ADAMTS6: variants seen among roughly 807,000 people sequenced by gnomAD.
The protein encoded by ADAMTS6 is ADAM metallopeptidase with thrombospondin type 1 motif 6.
In ADAMTS6, 23 loss-of-function variants were observed where a neutral mutation model predicts 144.3. That is an observed-to-expected ratio of 0.16 (90% CI 0.11 to 0.23). The LOEUF is 0.23. ADAMTS6 is among the 10% of genes least tolerant of loss of function. ADAMTS6 has a pLI of 1.00. For missense variants in ADAMTS6, 999 were observed against 1,379.6 expected, an observed-to-expected ratio of 0.72 and a Z score of 4.37; for synonymous variants, 444 against 457.5, an observed-to-expected ratio of 0.97 and a Z score of 0.38.
chr5:65,276,518 T>C (rs1434652916), intron 11 of ADAMTS6, among the ~76,000 whole-genome samples: 1 of 152,166 alleles, frequency 6.6e-6, no homozygotes. Context: ...TCTTGAAAGA[T>C]AAAAAGAAAA....
At chr5:65,302,077 G>A (rs1282880959) in intron 9 of ADAMTS6, among the ~76,000 whole-genome samples, 1 of 122,418 alleles carries the variant, frequency 8.2e-6, no homozygotes, top group Non-Finnish European at 1.6e-5. Flanking sequence ...GGGTAACAGA[G>A]CAAGGCTCTG....
At chr5:65,316,989 G>C (rs545753095) in intron 9 of ADAMTS6, among the ~76,000 whole-genome samples, 8 of 152,094 alleles carry the variant, frequency 5.3e-5, no homozygotes, top group Non-Finnish European at 1.0e-4. Flanking sequence ...TTTTAGAAGA[G>C]ATGGGGTTTC....
chr5:65,263,761 C>G (rs1171459986), intron 12 of ADAMTS6, among the ~76,000 whole-genome samples: 1 of 152,106 alleles, frequency 6.6e-6, no homozygotes, highest in Non-Finnish European at 1.5e-5. Context: ...TTTTTTAAAC[C>G]AAGCATTTGT....
At chr5:65,374,922 A>G (rs1407172755) in intron 7 of ADAMTS6, among the ~76,000 whole-genome samples, 2 of 152,184 alleles carry the variant, frequency 1.3e-5, no homozygotes, top group African/African-American at 2.4e-5. Context: ...ATATAGATCA[A>G]TGGAACAGAA....
chr5:65,155,775 T>C (rs1044374941), intron 24 of ADAMTS6, among the ~76,000 whole-genome samples: 1 of 152,220 alleles, frequency 6.6e-6, no homozygotes, highest in African/African-American at 2.4e-5. Flanking sequence ...TTTCTACCTG[T>C]CTCTGACTCT....
chr5:65,203,254 A>G (rs1755859711), intron 20 of ADAMTS6, among the ~76,000 whole-genome samples: 1 of 152,186 alleles, frequency 6.6e-6, no homozygotes, highest in African/African-American at 2.4e-5. Context: ...ATGGGTGTAC[A>G]TGCTCACACC....
At chr5:65,472,503 T>G (rs567081048) in intron 2 of ADAMTS6, among the ~76,000 whole-genome samples, 3 of 152,268 alleles carry the variant, frequency 2.0e-5, no homozygotes, top group Admixed American at 6.5e-5. Context: ...TGTAGTAATA[T>G]CTCAATAAAG....
chr5:65,420,176 A>T (rs931095711), intron 7 of ADAMTS6, among the ~76,000 whole-genome samples: 2 of 152,104 alleles, frequency 1.3e-5, no homozygotes, highest in African/African-American at 4.8e-5. Flanking sequence ...TCTTGTGAGA[A>T]CTTACTCACT....
chr5:65,323,179 C>A (rs894081099), intron 9 of ADAMTS6, among the ~76,000 whole-genome samples: 1 of 151,432 alleles, frequency 6.6e-6, no homozygotes, highest in East Asian at 2.0e-4. Context: ...GGTTTGTTAC[C>A]TATGTATACA....
At chr5:65,217,698 T>C (rs958343320) in intron 18 of ADAMTS6, among the ~76,000 whole-genome samples, 2 of 152,204 alleles carry the variant, frequency 1.3e-5, no homozygotes, top group Admixed American at 1.3e-4. Context: ...ACTCTGGATG[T>C]ACCCTTATTT....
intron 7 of ADAMTS6, among the ~76,000 whole-genome samples, chr5:65,342,839 T>C (rs565911139): frequency 3.3e-5 from 5 of 152,168 alleles, no homozygotes; most frequent in African/African-American, 9.6e-5. Context: ...AGATCTGATA[T>C]ACAAATTCAG....
intron 3 of ADAMTS6, among the ~76,000 whole-genome samples, chr5:65,460,733 G>T (rs1311839117): frequency 6.6e-6 from 1 of 152,170 alleles, no homozygotes; most frequent in Non-Finnish European, 1.5e-5. Context: ...TGGGCAGAGG[G>T]TTATGTAACA....
chr5:65,294,495 C>T (rs1742641398), intron 10 of ADAMTS6, among the ~76,000 whole-genome samples: 1 of 152,178 alleles, frequency 6.6e-6, no homozygotes, highest in Admixed American at 6.5e-5. Context: ...TAGGCATGAA[C>T]CACTGCATCT....
chr5:65,183,514 G>C (rs1754482769), intron 22 of ADAMTS6, among the ~76,000 whole-genome samples: 2 of 151,888 alleles, frequency 1.3e-5, no homozygotes, highest in African/African-American at 4.8e-5. Context: ...GTATATATAA[G>C]GTTCAGTACT....
intron 7 of ADAMTS6, among the ~76,000 whole-genome samples, chr5:65,402,612 T>A (rs184059150): frequency 1.3e-5 from 2 of 152,184 alleles, no homozygotes; most frequent in East Asian, 1.9e-4. Context: ...ACACCAAATC[T>A]GACCAATTAT....
chr5:65,388,660 T>C (rs1157128048), intron 7 of ADAMTS6, among the ~76,000 whole-genome samples: 1 of 152,190 alleles, frequency 6.6e-6, no homozygotes, highest in East Asian at 1.9e-4. Context: ...TTCATTTAGA[T>C]TTAAATCTTG....
At chr5:65,295,664 C>A (rs1742763774) in intron 10 of ADAMTS6, among the ~76,000 whole-genome samples, 1 of 151,922 alleles carries the variant, frequency 6.6e-6, no homozygotes, top group South Asian at 2.1e-4. Flanking sequence ...AACTAAAAAC[C>A]CAAACCCTAG....
rs189426506 is a variant in ADAMTS6, at chr5:65,149,292, G to C, written c.*2544C>G. 6.6e-6 allele frequency: 1 copy of C among 152,312 alleles called. No homozygotes were observed. Among genetic ancestry groups the C allele is most frequent in the African/African-American group, 2.4e-5 (1 of 41,558 alleles). 9.4% of individuals were successfully genotyped at this position (152,312 alleles called of 1,614,324 possible). A position where few individuals can be genotyped will look rare whatever the true frequency, so the allele number is the denominator to read the frequency against. ...TGCTATTGTTATTATTTAGGAATAG[G>C]GCATCATGTAGCCATGGGGGTGGCT... On this transcript the variant is annotated 3_prime_UTR_variant, in exon 25 of 25. Transcript: ENST00000381055.
intron 18 of ADAMTS6, among the ~76,000 whole-genome samples, chr5:65,219,962 A>C (rs1405817230): frequency 6.6e-6 from 1 of 152,248 alleles, no homozygotes; most frequent in Non-Finnish European, 1.5e-5. Context: ...TTCAACAAGA[A>C]GGCAGCAAAT....
Sources: gnomAD v4.1 joint callset for allele counts (sites outside exome capture counted in the v4.1 genomes callset) on GRCh38, gnomAD v4.1.1 for gene constraint, MANE v1.5 for transcripts, NCBI Gene and HGNC (gene_info 2026-07-23, HGNC 2026-07-21) for gene names.